Variants in CLPSL1 observed in about 807,000 individuals in gnomAD.
CLPSL1 encodes the protein colipase like 1, also known as colipase-like protein 1.
Under a neutral mutation model 9.3 loss-of-function variants are expected in CLPSL1, and 13 were observed. The observed-to-expected ratio is 1.40, with a 90% CI of 0.91 to 2.22. The LOEUF (loss-of-function observed/expected upper bound fraction) is 2.22, where lower values mean the gene tolerates loss of function less well. CLPSL1 is among the 30% of genes most tolerant of loss of function. The pLI is 0.00. For missense variants in CLPSL1, 164 were observed against 146.6 expected (o/e 1.12, Z -0.61); for synonymous variants, 58 against 56.9 (o/e 1.02, Z -0.08).
At chr6:35,792,127 T>TC (rs1561943761), downstream of CLPSL1, among the ~76,000 whole-genome samples, 9 of 128,326 alleles carry the variant, frequency 7.0e-5, no homozygotes, top group African/African-American at 2.5e-4. Flanking sequence ...ATAAATAAAT[T>TC]AGCCAGGCAT....
chr6:35,787,951 G>A lies in CLPSL1; in HGVS notation c.307G>A (p.Ala103Thr), dbSNP rs201001742. The A allele has an allele frequency of 6.3e-5, 101 of 1,613,240 alleles. 1 individual carries two copies. The highest frequency in any genetic ancestry group is 5.2e-4 in the South Asian group (47 of 91,072). The stretch of plus-strand genomic sequence containing the variant: ...AAAGAATGAGAAATGGCTTAGCATC[G>A]CCTATGGCCGTTGTCAGAAAATTGG... Reference protein sequence around the residue: ...YSKNEKWLSIAYGRCQKIGRQ... With the variant: ...YSKNEKWLSITYGRCQKIGRQ... The change falls in exon 3 of 3, where the codon GCC (alanine) becomes ACC (threonine). Residue 103 changes from alanine to threonine, a missense_variant. By Grantham distance (58) the Ala-to-Thr change is moderately conservative. Transcript: ENST00000373861.
At chr6:35,787,161 G>A in intron 2 of CLPSL1, 41 bp downstream of exon 2, 1 of 1,603,612 alleles carries the variant, frequency 6.2e-7, no homozygotes, top group Non-Finnish European at 8.5e-7. Context: ...GGGATCCAGG[G>A]GAAGTGGGAG....
intron 1 of CLPSL1, among the ~76,000 whole-genome samples, chr6:35,781,819 C>T (rs548711975): frequency 4.6e-5 from 7 of 150,812 alleles, no homozygotes; most frequent in African/African-American, 1.5e-4. Context: ...AATCTCGGCT[C>T]ACTGCAAACT....
At chr6:35,786,062 C>T (rs1457146630) in intron 1 of CLPSL1, among the ~76,000 whole-genome samples, 2 of 151,840 alleles carry the variant, frequency 1.3e-5, no homozygotes, top group Admixed American at 6.6e-5. Context: ...GTCAGAAGTT[C>T]GAGACCAGCC....
At chr6:35,788,268 G>A (rs1233333834), downstream of CLPSL1, 2 of 471,858 alleles carry the variant, frequency 4.2e-6, no homozygotes, top group Non-Finnish European at 7.8e-6. Flanking sequence ...TGTTGGACTT[G>A]GGGTCTTTCC....
chr6:35,791,929 T>TAAAG (rs1768219203), downstream of CLPSL1, among the ~76,000 whole-genome samples: 1 of 151,010 alleles, frequency 6.6e-6, no homozygotes, highest in Admixed American at 6.6e-5. Flanking sequence ...AATAAATAAA[T>TAAAG]AAATAAATTA....
rs150204199 is a variant in CLPSL1, at chr6:35,785,714, A to G, written c.100-1284A>G. ...GTGATAACTGTTGAACCATCACCTG[A>G]CATTCCTGGTGGGTGGGGGAGAGCC... is the stretch of plus-strand genomic sequence containing the variant. On this transcript the variant is annotated intron_variant, in intron 1 of 2. Transcript: ENST00000373861. Among the ~76,000 whole-genome samples the G allele has an allele frequency of 1.5e-3, 223 of 152,210 alleles. 1 individual carries two copies. The highest frequency in any genetic ancestry group is 5.2e-3 in the African/African-American group (217 of 41,554).
rs574365161 is a variant in CLPSL1, at chr6:35,784,436, C to T, written c.100-2562C>T. Among the ~76,000 whole-genome samples, 17 of 152,254 alleles carry T rather than the reference C, an allele frequency of 1.1e-4. No homozygotes were observed. The South Asian group carries it at 1.5e-3, about 13-fold the overall frequency. On this transcript the variant is annotated intron_variant, in intron 1 of 2. Transcript: ENST00000373861. ...TGAGGCATGTCCAACCCCCACTTCC[C>T]GTCATGGCCTGAACCAGTCTTTCAG...
At chr6:35,785,317 A>G (rs1373887523) in intron 1 of CLPSL1, among the ~76,000 whole-genome samples, 2 of 151,680 alleles carry the variant, frequency 1.3e-5, no homozygotes, top group Non-Finnish European at 2.9e-5. Flanking sequence ...AGCTGGGACT[A>G]CAGGCACCCG....
downstream of CLPSL1, among the ~76,000 whole-genome samples, chr6:35,791,368 T>C (rs1365456834): frequency 6.6e-6 from 1 of 152,230 alleles, no homozygotes; most frequent in Non-Finnish European, 1.5e-5. Flanking sequence ...CCTAGCACTT[T>C]GGGAGGCTGA....
chr6:35,793,718 A>C (rs1768269498), downstream of CLPSL1: 1 of 406,868 alleles, frequency 2.5e-6, no homozygotes, highest in Non-Finnish European at 5.0e-6. Context: ...TGCAATCCTA[A>C]CTCATAAGCC....
chr6:35,784,828 G>C (rs1446751411), intron 1 of CLPSL1, among the ~76,000 whole-genome samples: 1 of 152,202 alleles, frequency 6.6e-6, no homozygotes, highest in Non-Finnish European at 1.5e-5. Context: ...GAATTCAACT[G>C]AGGGGCATAA....
At chr6:35,791,357 T>A (rs538942503), downstream of CLPSL1, among the ~76,000 whole-genome samples, 9 of 152,272 alleles carry the variant, frequency 5.9e-5, no homozygotes, top group Non-Finnish European at 1.2e-4. Flanking sequence ...ACGCCTGTAA[T>A]CCTAGCACTT....
At chr6:35,786,622 G>A (rs976533661) in intron 1 of CLPSL1, among the ~76,000 whole-genome samples, 13 of 152,158 alleles carry the variant, frequency 8.5e-5, no homozygotes, top group African/African-American at 2.9e-4. Context: ...GGGAGGGGCG[G>A]TGGGAATGCA....
chr6:35,784,473 G>C (rs1768030085), intron 1 of CLPSL1, among the ~76,000 whole-genome samples: 1 of 152,180 alleles, frequency 6.6e-6, no homozygotes, highest in Non-Finnish European at 1.5e-5. Context: ...TTAAATTTTA[G>C]AGTGCCCTGG....
At chr6:35,787,240 T>G in intron 2 of CLPSL1, 120 bp downstream of exon 2, 1 of 1,234,138 alleles carries the variant, frequency 8.1e-7, no homozygotes, top group Non-Finnish European at 1.1e-6. Context: ...GAGCCTGGAA[T>G]TCCCCCGTGG....
chr6:35,788,129 G>T lies in CLPSL1; in HGVS notation c.*119G>T. 1.5e-6 allele frequency: 1 copy of T among 660,110 alleles called. No homozygotes were observed. Among genetic ancestry groups the T allele is most frequent in the Non-Finnish European group, 2.5e-6 (1 of 393,540 alleles). 40.9% of individuals were successfully genotyped at this position (660,110 alleles called of 1,614,324 possible). A position where few individuals can be genotyped will look rare whatever the true frequency, so the allele number is the denominator to read the frequency against. On this transcript the variant is annotated 3_prime_UTR_variant, in exon 3 of 3. Transcript: ENST00000373861. Reference sequence around the variant, plus strand: ...GAGTGGAGGGAAGTGGGGAGTGATTGAAATAAAGAGCTTTTTCAATGTTTG... The same window carrying T: ...GAGTGGAGGGAAGTGGGGAGTGATTTAAATAAAGAGCTTTTTCAATGTTTG...
rs764765577 is a variant in CLPSL1, at chr6:35,788,091, G to T, written c.*81G>T. The T allele has an allele frequency of 8.9e-6, 10 of 1,119,572 alleles. No homozygotes were observed. The highest frequency in any genetic ancestry group is 1.6e-5 in the African/African-American group (1 of 64,300). 69.4% of individuals were successfully genotyped at this position (1,119,572 alleles called of 1,614,324 possible). A position where few individuals can be genotyped will look rare whatever the true frequency, so the allele number is the denominator to read the frequency against. On this transcript the variant is annotated 3_prime_UTR_variant, in exon 3 of 3. Transcript: ENST00000373861. ...AGCTCTGTGTTCACCCTGTTCCCCA[G>T]AGCCTCCACCATGAGTGGAGGGAAG...
chr6:35,789,633 C>T (rs1021824178), downstream of CLPSL1, among the ~76,000 whole-genome samples: 1 of 152,248 alleles, frequency 6.6e-6, no homozygotes, highest in African/African-American at 2.4e-5. Flanking sequence ...GTGGCTCATG[C>T]CTGTAATCCC....
Sources: gnomAD v4.1 joint callset for allele counts (sites outside exome capture counted in the v4.1 genomes callset) on GRCh38, gnomAD v4.1.1 for gene constraint, MANE v1.5 for transcripts, NCBI Gene and HGNC (gene_info 2026-07-23, HGNC 2026-07-21) for gene names.